SH3BP4: variants seen among roughly 807,000 people sequenced by gnomAD.
SH3BP4 encodes the protein SH3 domain-binding protein 4.
SH3BP4 carries 33 observed loss-of-function variants against 65.5 expected under a neutral mutation model. The ratio of observed to expected loss-of-function variants is 0.50; its 90% confidence interval spans 0.38 to 0.67. SH3BP4 has a LOEUF of 0.67. Ranked by LOEUF, SH3BP4 falls within the 30% of genes least tolerant of loss-of-function variation. The pLI is 0.00. For missense variants in SH3BP4, 1,134 were observed against 1,261.4 expected, an observed-to-expected ratio of 0.90 and a Z score of 1.53; for synonymous variants, 552 against 545.5, an observed-to-expected ratio of 1.01 and a Z score of -0.17.
At chr2:234,996,511 C>T (rs998486089) in intron 2 of SH3BP4, among the ~76,000 whole-genome samples, 5 of 152,190 alleles carry the variant, frequency 3.3e-5, no homozygotes, top group Non-Finnish European at 7.3e-5. Flanking sequence ...GTCCCAGGGT[C>T]AGTCCTCCGC....
rs1368813139 is a variant in SH3BP4, at chr2:235,042,831, G to A, written c.2062G>A (p.Glu688Lys). 4 of 1,613,846 alleles carry A rather than the reference G, an allele frequency of 2.5e-6. No individual in the cohort carries two copies. The highest frequency in any genetic ancestry group is 2.7e-5 in the African/African-American group (2 of 74,936). Residue 688 changes from glutamate to lysine, a missense_variant, in exon 4 of 6, where the codon GAG becomes AAG. By Grantham distance (56) the Glu-to-Lys change is moderately conservative (BLOSUM62 1). Coordinates refer to ENST00000392011, the MANE Select transcript of SH3BP4 (RefSeq NM_014521.3). The surrounding 1 kb of genome is among the most constrained non-coding windows in gnomAD (Gnocchi z 7.3). ...KKGDGIALLS[E>K]ERVRLRGQLW... is the part of the protein sequence containing the mutation. ...GGGCGACGGGATCGCCCTGCTCAGC[G>A]AGGAGCGGGTCAGGCTCCGGGGCCA...
chr2:235,028,750 G>A (rs1056198548), intron 2 of SH3BP4, among the ~76,000 whole-genome samples: 7 of 152,148 alleles, frequency 4.6e-5, no homozygotes, highest in Non-Finnish European at 7.3e-5. Context: ...CGGTTGTGTT[G>A]ACATTTGAGC....
At position 235,053,693 on chromosome 2, in the gene SH3BP4, G is replaced by C; in HGVS notation, c.2769G>C (p.Lys923Asn). 1 of 1,614,206 alleles carries C rather than the reference G, an allele frequency of 6.2e-7. No homozygotes were observed. Residue 923 changes from lysine to asparagine, a missense_variant, in exon 6 of 6, where the codon AAG becomes AAC. Transcript: ENST00000392011. ...AGGAGCTGCACCTGGGCCTGGACAA[G>C]ATGAAAAACCCCATCACCAAGCGCT... ...VIQELHLGLD[K>N]MKNPITKRWK...
chr2:235,015,727 G>A (rs1694668101), intron 2 of SH3BP4, among the ~76,000 whole-genome samples: 1 of 152,190 alleles, frequency 6.6e-6, no homozygotes, highest in Admixed American at 6.5e-5. Context: ...GCCAGAGGAT[G>A]GGGCTGGCTG....
chr2:234,983,581 G>A (rs1004230036), intron 1 of SH3BP4, among the ~76,000 whole-genome samples: 1 of 152,192 alleles, frequency 6.6e-6, no homozygotes, highest in Admixed American at 6.5e-5. Flanking sequence ...GAACCTGTAG[G>A]TGTTACCTTA....
intron 2 of SH3BP4, among the ~76,000 whole-genome samples, chr2:235,000,505 G>A (rs1198360938): frequency 6.6e-6 from 1 of 152,176 alleles, no homozygotes; most frequent in African/African-American, 2.4e-5. Context: ...ATAACACGGG[G>A]CCCCTCCTTC....
rs527336091 is a variant in SH3BP4 at position 234,961,159 on chromosome 2, G to T, written c.-207+8989G>T. On this transcript the variant is annotated intron_variant, in intron 1 of 5. Transcript: ENST00000392011. Reference sequence around the variant, plus strand: ...GGCTCAGCCTTCTGATCTCTAAAATGATGACCATCGTACTTCGCTCCTGGA... The same window carrying T: ...GGCTCAGCCTTCTGATCTCTAAAATTATGACCATCGTACTTCGCTCCTGGA... Among the ~76,000 whole-genome samples, 5 of 152,346 alleles carry T rather than the reference G, an allele frequency of 3.3e-5. No individual in the cohort carries two copies. In the South Asian group the frequency reaches 1.0e-3, roughly 32 times the overall value.
At position 234,974,850 on chromosome 2, in the gene SH3BP4, G is replaced by A. The variant is rs1693123075; in HGVS notation, c.-206-20453G>A. Among the ~76,000 whole-genome samples, 1 of 152,110 alleles carries A rather than the reference G, an allele frequency of 6.6e-6. No homozygotes were observed. The highest frequency in any genetic ancestry group is 1.5e-5 in the Non-Finnish European group (1 of 68,018). ...TGAGCCAGTCAGTGTGCCCACACTGGGGGTGCTGCAGGTCGCGTTTCACCC... is the reference window on the plus strand; with the variant it reads ...TGAGCCAGTCAGTGTGCCCACACTGAGGGTGCTGCAGGTCGCGTTTCACCC... On this transcript the variant is annotated intron_variant, in intron 1 of 5. Coordinates refer to ENST00000392011, the MANE Select transcript of SH3BP4 (RefSeq NM_014521.3). The surrounding 1 kb of genome is among the most constrained non-coding windows in gnomAD (Gnocchi z 4.6).
intron 1 of SH3BP4, among the ~76,000 whole-genome samples, chr2:234,970,173 G>T (rs1692956227): frequency 6.6e-6 from 1 of 152,118 alleles, no homozygotes; most frequent in African/African-American, 2.4e-5. Context: ...TTTGTTTCTA[G>T]AGCGCTTCTG....
chr2:235,047,564 A>G (rs1005137628), intron 4 of SH3BP4, among the ~76,000 whole-genome samples: 1 of 152,204 alleles, frequency 6.6e-6, no homozygotes, highest in Non-Finnish European at 1.5e-5. Context: ...ACTATTCCCA[A>G]TTCTCGGGAT....
rs141925145 is a variant in SH3BP4, at chr2:234,973,513, T to C, written c.-207+21343T>C. Among the ~76,000 whole-genome samples, 442 of 152,328 alleles carry C rather than the reference T, an allele frequency of 2.9e-3. 3 individuals are homozygous for C. Among genetic ancestry groups the C allele is most frequent in the African/African-American group, 0.01 (426 of 41,570 alleles). ...TCGAGGATTTGTTGACCACCTCTTATGCAGGAGGCACCAGTCCCAAAGCAA... is the reference window on the plus strand; with the variant it reads ...TCGAGGATTTGTTGACCACCTCTTACGCAGGAGGCACCAGTCCCAAAGCAA... On this transcript the variant is annotated intron_variant, in intron 1 of 5. Transcript: ENST00000392011.
intron 2 of SH3BP4, among the ~76,000 whole-genome samples, chr2:234,999,181 A>G (rs1049922437): frequency 2.0e-5 from 3 of 152,212 alleles, no homozygotes; most frequent in Non-Finnish European, 2.9e-5. Flanking sequence ...GACACATTGG[A>G]CTAAGAACGG....
At chr2:234,953,997 T>C (rs546147444) in intron 1 of SH3BP4, among the ~76,000 whole-genome samples, 285 of 151,884 alleles carry the variant, frequency 1.9e-3, no homozygotes, top group African/African-American at 6.3e-3. Context: ...CTGATGTTTG[T>C]GGGTCTGTGG....
intron 2 of SH3BP4, among the ~76,000 whole-genome samples, chr2:235,013,766 T>C (rs1694598191): frequency 6.6e-6 from 1 of 152,182 alleles, no homozygotes; most frequent in South Asian, 2.1e-4. Flanking sequence ...TTCAGATAGT[T>C]CCAGTATCTT....
At chr2:234,987,951 T>G (rs996224158) in intron 1 of SH3BP4, among the ~76,000 whole-genome samples, 3 of 152,162 alleles carry the variant, frequency 2.0e-5, no homozygotes, top group Non-Finnish European at 2.9e-5. Context: ...TGATTTCCAG[T>G]CCAAGATGGC....
At chr2:235,012,264 C>A (rs1207679233) in intron 2 of SH3BP4, among the ~76,000 whole-genome samples, 1 of 152,168 alleles carries the variant, frequency 6.6e-6, no homozygotes, top group Non-Finnish European at 1.5e-5. Flanking sequence ...CTGCTGCACA[C>A]AGCACAGTTC....
In SH3BP4 at chr2:235,035,852, C is replaced by T. The variant is rs1045328327; in HGVS notation, c.118+732C>T. The stretch of plus-strand genomic sequence containing the variant: ...TGCACATCTGCCCTAACCTAGGCCA[C>T]GTTCAGTCTCTCTCACATGCTCCTT... On this transcript the variant is annotated intron_variant, in intron 3 of 5. Coordinates refer to ENST00000392011, the MANE Select transcript of SH3BP4 (RefSeq NM_014521.3). This position sits in a 1 kb window ranked among gnomAD's most constrained non-coding sequence, Gnocchi z 5.0. Among the ~76,000 whole-genome samples the T allele has an allele frequency of 5.3e-5, 8 of 152,240 alleles. No individual in the cohort carries two copies. The highest frequency in any genetic ancestry group is 2.1e-4 in the South Asian group (1 of 4,830).
intron 4 of SH3BP4, among the ~76,000 whole-genome samples, chr2:235,044,571 C>A (rs889548885): frequency 6.6e-6 from 1 of 152,254 alleles, no homozygotes; most frequent in Non-Finnish European, 1.5e-5. Context: ...GTGTGCCGCT[C>A]TTCCTCGTTC....
intron 1 of SH3BP4, among the ~76,000 whole-genome samples, chr2:234,968,073 G>A (rs981634079): frequency 2.0e-5 from 3 of 152,200 alleles, no homozygotes; most frequent in South Asian, 2.1e-4. Context: ...CCAGTCCGTA[G>A]CTGATGGAAT....
Sources: allele counts gnomAD v4.1 joint callset (sites outside exome capture counted in the v4.1 genomes callset), GRCh38; gene constraint gnomAD v4.1.1; non-coding constraint Gnocchi (gnomAD v3.1); transcripts MANE v1.5; gene names NCBI Gene and HGNC (gene_info 2026-07-23, HGNC 2026-07-21).